The following NFE2L3 variants were observed in gnomAD, a reference collection of about 807,000 sequenced individuals.
The protein encoded by NFE2L3 is nuclear factor erythroid 2-related factor 3.
Under a neutral mutation model 23.5 loss-of-function variants are expected in NFE2L3, and 18 were observed. That is an observed-to-expected ratio of 0.77 (90% confidence interval 0.53 to 1.13). The LOEUF (loss-of-function observed/expected upper bound fraction) is 1.13, where lower values mean the gene tolerates loss of function less well. NFE2L3 is among the 50% of genes most tolerant of loss of function. The pLI is 0.00. For synonymous variants in NFE2L3, 424 were observed against 354.5 expected (o/e 1.20, Z -2.20); for missense variants, 1,152 against 877.2 (o/e 1.31, Z -3.96).
At chr7:26,183,903 G>A in intron 3 of NFE2L3, 119 bp downstream of exon 3, 1 of 687,832 alleles carries the variant, frequency 1.5e-6, no homozygotes, top group South Asian at 1.8e-5. Flanking sequence ...TATTTTTACA[G>A]AAGCACTTCA....
At chr7:26,161,230 T>C (rs1448436439) in intron 1 of NFE2L3, among the ~76,000 whole-genome samples, 1 of 152,050 alleles carries the variant, frequency 6.6e-6, no homozygotes. Context: ...AGAGCTGTTA[T>C]GTGAAAGAGG....
intron 1 of NFE2L3, 49 bp from the exon 2 acceptor site, chr7:26,177,894 C>A: frequency 6.7e-7 from 1 of 1,497,410 alleles, no homozygotes; most frequent in Non-Finnish European, 9.2e-7. Flanking sequence ...AAGCACAATG[C>A]AGTTTTAAAG....
intron 1 of NFE2L3, among the ~76,000 whole-genome samples, chr7:26,154,079 A>G (rs1176562785): frequency 1.3e-5 from 2 of 152,188 alleles, no homozygotes; most frequent in African/African-American, 4.8e-5. Context: ...CCGTTTGTGT[A>G]GGCTGTTGCC....
At position 26,179,669 on chromosome 7, in the gene NFE2L3, GC is replaced by G. The variant is rs1220616874; in HGVS notation, c.750+1548del. Among the ~76,000 whole-genome samples the G allele has an allele frequency of 5.3e-5, 8 of 151,996 alleles. No individual in the cohort carries two copies. The East Asian group carries it at 1.4e-3, about 26-fold the overall frequency. On this transcript the variant is annotated intron_variant, in intron 2 of 3. Coordinates refer to ENST00000056233, the MANE Select transcript of NFE2L3 (RefSeq NM_004289.7). ...TGCAGTGATCCGTCATCATGCCACT[GC>G]ACTTCAGACGGGGTGACAGAGCAGG...
rs752656639 is a variant in NFE2L3, at chr7:26,185,264, G to T, written c.1566G>T (p.Lys522Asn). 11 of 1,613,946 alleles carry T rather than the reference G, an allele frequency of 6.8e-6. No individual in the cohort carries two copies. Among genetic ancestry groups the T allele is most frequent in the Admixed American group, 6.7e-5 (4 of 59,994 alleles). ...TTCCGTGGCCTGGGAAGTCACAGAA[G>T]ATAAGGAGTAGATACCTTGAAGACA... ...EPFPWPGKSQ[K>N]IRSRYLEDTD... The change falls in exon 4 of 4, where the codon AAG becomes AAT. Residue 522 changes from lysine to asparagine, a missense_variant. Lys to Asn is a moderately conservative substitution (Grantham distance 94). Transcript: ENST00000056233.
At position 26,152,313 on chromosome 7, in the gene NFE2L3, G is replaced by A. The variant is rs564807868; in HGVS notation, c.-186G>A. The A allele has an allele frequency of 1.3e-3, 376 of 298,044 alleles. 1 individual carries two copies. Among genetic ancestry groups the A allele is most frequent in the African/African-American group, 7.8e-3 (352 of 45,218 alleles). The allele number at this position is 298,044 out of a possible 1,614,324, so 18.5% of individuals were successfully genotyped here. A position where few individuals can be genotyped will look rare whatever the true frequency, so the allele number is the denominator to read the frequency against. On this transcript the variant is annotated 5_prime_UTR_variant, in exon 1 of 4. Transcript: ENST00000056233. This position sits in a 1 kb window ranked among gnomAD's most constrained non-coding sequence, Gnocchi z 4.4. The stretch of plus-strand genomic sequence containing the variant: ...GGTGCCAGGCACGGTGCCGGCTGCC[G>A]AGGGAACGCCTTTGTGCCCGGTGCT...
chr7:26,182,232 T>G (rs939946474), intron 2 of NFE2L3, among the ~76,000 whole-genome samples: 1 of 152,012 alleles, frequency 6.6e-6, no homozygotes, highest in African/African-American at 2.4e-5. Context: ...AGAGCAAACT[T>G]ACCAGTAGTA....
intron 1 of NFE2L3, among the ~76,000 whole-genome samples, chr7:26,167,934 T>A (rs1784275101): frequency 6.6e-6 from 1 of 152,198 alleles, no homozygotes; most frequent in African/African-American, 2.4e-5. Flanking sequence ...TTTAATTTTT[T>A]AATTATTTTT....
rs571419845 is a variant in NFE2L3, at chr7:26,152,884, G to GCGCCGC, written c.394_399dup (p.Ala132_Ala133dup). The GCGCCGC allele has an allele frequency of 3.0e-5, 43 of 1,456,186 alleles. No individual in the cohort carries two copies. Among genetic ancestry groups the GCGCCGC allele is most frequent in the Non-Finnish European group, 5.4e-6 (6 of 1,113,868 alleles). 90.2% of individuals were successfully genotyped at this position (1,456,186 alleles called of 1,614,324 possible). ...GCGGACGAGGCCCACGGGCTGCTCG[G>GCGCCGC]CGCCGCCGCCGCCTCGTCCACCGGA... On this transcript the variant is annotated inframe_insertion, in exon 1 of 4. Coordinates refer to ENST00000056233, the MANE Select transcript of NFE2L3 (RefSeq NM_004289.7). The surrounding 1 kb of genome is among the most constrained non-coding windows in gnomAD (Gnocchi z 4.4).
chr7:26,163,391 G>A (rs148370339), intron 1 of NFE2L3, among the ~76,000 whole-genome samples: 9,661 of 152,170 alleles, frequency 0.063, 736 homozygotes, highest in East Asian at 0.36. Context: ...TTGTTGCCCA[G>A]GCTGGGGTGC....
chr7:26,178,674 A>G (rs1305458385), intron 2 of NFE2L3, among the ~76,000 whole-genome samples: 1 of 152,162 alleles, frequency 6.6e-6, no homozygotes, highest in Non-Finnish European at 1.5e-5. Flanking sequence ...GTGTACAAAG[A>G]TGAACTCCCG....
At position 26,185,809 on chromosome 7, in the gene NFE2L3, ATGTGAAGTAGTAAT is replaced by A; in HGVS notation, c.*27_*40del. ...GAAGAAACTGAAGATGGACTCTATT[ATGTGAAGTAGTAAT>A]GTTCAGAAACTGATTATTTGGATCA... On this transcript the variant is annotated 3_prime_UTR_variant, in exon 4 of 4. Coordinates refer to ENST00000056233, the MANE Select transcript of NFE2L3 (RefSeq NM_004289.7). The A allele has an allele frequency of 6.5e-7, 1 of 1,547,562 alleles. No individual in the cohort carries two copies. The highest frequency in any genetic ancestry group is 2.3e-5 in the East Asian group (1 of 44,198).
intron 1 of NFE2L3, among the ~76,000 whole-genome samples, chr7:26,176,550 G>A (rs1215492062): frequency 4.3e-5 from 5 of 115,214 alleles, no homozygotes; most frequent in South Asian, 3.7e-4. Context: ...CAGACGGGGT[G>A]GCCAGGCAGA....
At chr7:26,181,753 CTA>C (rs1436332346) in intron 2 of NFE2L3, among the ~76,000 whole-genome samples, 1 of 151,954 alleles carries the variant, frequency 6.6e-6, no homozygotes, top group Non-Finnish European at 1.5e-5. Flanking sequence ...GGAACAGAAT[CTA>C]TAAGGCAAGA....
chr7:26,170,074 T>C (rs1784313568), intron 1 of NFE2L3, among the ~76,000 whole-genome samples: 1 of 152,226 alleles, frequency 6.6e-6, no homozygotes, highest in African/African-American at 2.4e-5. Flanking sequence ...GCCTAATGGT[T>C]AATAGTACCC....
chr7:26,184,006 A>G (rs932739937), intron 3 of NFE2L3: 1 of 515,488 alleles, frequency 1.9e-6, no homozygotes, highest in Non-Finnish European at 3.4e-6. Flanking sequence ...AACAGCGTGG[A>G]GATTTCTCAA....
intron 1 of NFE2L3, among the ~76,000 whole-genome samples, chr7:26,165,682 A>G (rs1258018698): frequency 1.3e-5 from 2 of 152,170 alleles, no homozygotes; most frequent in East Asian, 1.9e-4. Flanking sequence ...TTCCAACACT[A>G]TGTTGAATAG....
chr7:26,163,255 TGTA>T (rs1303732746), intron 1 of NFE2L3, among the ~76,000 whole-genome samples: 1 of 152,228 alleles, frequency 6.6e-6, no homozygotes, highest in Non-Finnish European at 1.5e-5. Context: ...CAAAACCGTC[TGTA>T]AATATTTTAG....
In NFE2L3 at chr7:26,183,797, T is replaced by C; in HGVS notation, c.834+13T>C. On this transcript the variant is annotated intron_variant, in intron 3 of 3. Coordinates refer to ENST00000056233, the MANE Select transcript of NFE2L3 (RefSeq NM_004289.7). ...AAATTCACTGGAGGTAATTGGAACT[T>C]TGGCTTTTATCCTCGCAGGAACATA... 2.5e-6 allele frequency: 4 copies of C among 1,583,950 alleles called. No homozygotes were observed. Among genetic ancestry groups the C allele is most frequent in the Non-Finnish European group, 3.5e-6 (4 of 1,152,438 alleles).
Sources: allele counts gnomAD v4.1 joint callset (sites outside exome capture counted in the v4.1 genomes callset), GRCh38; gene constraint gnomAD v4.1.1; non-coding constraint Gnocchi (gnomAD v3.1); transcripts MANE v1.5; gene names NCBI Gene and HGNC (gene_info 2026-07-23, HGNC 2026-07-21).